Variants in MUC17 observed in about 807,000 individuals in gnomAD.
The protein encoded by MUC17 is mucin-17.
In MUC17, 190 loss-of-function variants were observed where a neutral mutation model predicts 170.3. The ratio of observed to expected loss-of-function variants is 1.12; its 90% CI spans 0.99 to 1.26. The LOEUF is 1.26. Among genes scored for constraint, MUC17 ranks in the 50% most tolerant of loss-of-function variants. The pLI, the probability that MUC17 is intolerant of heterozygous loss-of-function variation, is 0.00. For synonymous variants in MUC17, 2,325 were observed against 2,002.5 expected, an observed-to-expected ratio of 1.16 and a Z score of -4.30; for missense variants, 6,415 against 5,530.0, an observed-to-expected ratio of 1.16 and a Z score of -5.08.
In MUC17 at chr7:101,033,476, G is replaced by A. The variant is rs538801500; in HGVS notation, c.2060G>A (p.Ser687Asn). The change falls in exon 3 of 13, where the codon AGC becomes AAC. Residue 687 changes from serine to asparagine, a missense_variant. Transcript: ENST00000306151. Reference protein sequence around the residue: ...SMPTSTYTEGSTPLTSMPVNT... With the variant: ...SMPTSTYTEGNTPLTSMPVNT... ...CCAACCTCAACTTATACTGAAGGAA[G>A]CACTCCATTAACAAGTATGCCTGTC... 56 of 1,613,676 alleles carry A rather than the reference G, an allele frequency of 3.5e-5. No individual in the cohort carries two copies. In the East Asian group the frequency reaches 1.2e-3, roughly 35 times the overall value.
At position 101,037,813 on chromosome 7, in the gene MUC17, G is replaced by A. The variant is rs529595313; in HGVS notation, c.6397G>A (p.Val2133Met). ...STTPVDSNSP[V>M]ITSTEVSSSP... The stretch of plus-strand genomic sequence containing the variant: ...AACTCCTGTTGACTCCAACAGTCCT[G>A]TGATCACTTCTACTGAAGTCAGTTC... The change falls in exon 3 of 13, where the codon GTG becomes ATG. Residue 2133 changes from valine to methionine, a missense_variant. By Grantham distance (21) the Val-to-Met change is conservative. Coordinates refer to ENST00000306151, the MANE Select transcript of MUC17 (RefSeq NM_001040105.2). 2.5e-6 allele frequency: 4 copies of A among 1,613,240 alleles called. No homozygotes were observed. Among genetic ancestry groups the A allele is most frequent in the African/African-American group, 2.7e-5 (2 of 74,928 alleles).
In MUC17 at chr7:101,043,053, C is replaced by A; in HGVS notation, c.11637C>A (p.Leu3879=). Residue 3879 remains leucine, a synonymous_variant, in exon 3 of 13, where the codon CTC becomes CTA. Transcript: ENST00000306151. ...AAAGAAGCACTCCATTAACAACTCT[C>A]CTTGTCAGCACCACACTTCCAACTA... is the stretch of plus-strand genomic sequence containing the variant. ...TSERSTPLTT[L]LVSTTLPTSF... 6.2e-7 allele frequency: 1 copy of A among 1,614,118 alleles called. No individual in the cohort carries two copies. The highest frequency in any genetic ancestry group is 8.5e-7 in the Non-Finnish European group (1 of 1,180,022).
intron 1 of MUC17, among the ~76,000 whole-genome samples, chr7:101,020,573 T>C (rs6961122): frequency 0.93 from 141,848 of 152,014 alleles, 66,357 homozygotes; most frequent in East Asian, 1. Flanking sequence ...AAGACTGGTG[T>C]TCAACCCATA....
In MUC17 at chr7:101,043,234, T is replaced by C. The variant is rs1584872589; in HGVS notation, c.11818T>C (p.Phe3940Leu). 1 of 1,614,186 alleles carries C rather than the reference T, an allele frequency of 6.2e-7. No individual in the cohort carries two copies. Among genetic ancestry groups the C allele is most frequent in the South Asian group, 1.1e-5 (1 of 91,086 alleles). Residue 3940 changes from phenylalanine to leucine, a missense_variant, in exon 3 of 13, where the codon TTT becomes CTT. Coordinates refer to ENST00000306151, the MANE Select transcript of MUC17 (RefSeq NM_001040105.2). ...AGGAAGCACACCTGGGACAACCATT[T>C]TTATTCCCAGCACTCCTGTCACCAG... ...TEGSTPGTTI[F>L]IPSTPVTSST...
At position 101,043,553 on chromosome 7, in the gene MUC17, C is replaced by T. The variant is rs757717761; in HGVS notation, c.12137C>T (p.Thr4046Ile). 6.2e-7 allele frequency: 1 copy of T among 1,614,218 alleles called. No homozygotes were observed. Among genetic ancestry groups the T allele is most frequent in the South Asian group, 1.1e-5 (1 of 91,086 alleles). ...ACTTCTGTCACCACCCGTCCTGTGA[C>T]CCCTTCATCAGAATCCAGCAGGCCG... ...TSTSVTTRPVTPSSESSRPST... is the reference protein window; with the variant it reads ...TSTSVTTRPVIPSSESSRPST... Residue 4046 changes from threonine to isoleucine, a missense_variant, in exon 3 of 13, where the codon ACC (threonine) becomes ATC (isoleucine). Physicochemically the swap from Thr to Ile is moderately conservative, Grantham distance 89 (BLOSUM62 -1). Transcript: ENST00000306151.
chr7:101,037,730 C>T lies in MUC17; in HGVS notation c.6314C>T (p.Thr2105Ile). Residue 2105 changes from threonine to isoleucine, a missense_variant, in exon 3 of 13, where the codon ACA (threonine) becomes ATA (isoleucine). Physicochemically the swap from Thr to Ile is moderately conservative, Grantham distance 89 (BLOSUM62 -1). Transcript: ENST00000306151. ...CCTAGTGAAGGAAGTCCTCTACTAACAAGTATACCTCTCAGCACCACGCCG... is the reference window on the plus strand; with the variant it reads ...CCTAGTGAAGGAAGTCCTCTACTAATAAGTATACCTCTCAGCACCACGCCG... Reference protein sequence around the residue: ...SAPSEGSPLLTSIPLSTTPVA... With the variant: ...SAPSEGSPLLISIPLSTTPVA... 1.9e-6 allele frequency: 3 copies of T among 1,613,558 alleles called. No individual in the cohort carries two copies. The highest frequency in any genetic ancestry group is 2.5e-6 in the Non-Finnish European group (3 of 1,179,854).
rs1794887223 is a variant in MUC17 at position 101,048,891 on chromosome 7, G to A, written c.12582G>A (p.Val4194=). 1.9e-6 allele frequency: 3 copies of A among 1,614,080 alleles called. No individual in the cohort carries two copies. Among genetic ancestry groups the A allele is most frequent in the Non-Finnish European group, 2.5e-6 (3 of 1,180,004 alleles). Residue 4194 remains valine, a synonymous_variant, in exon 5 of 13, where the codon GTG becomes GTA. Coordinates refer to ENST00000306151, the MANE Select transcript of MUC17 (RefSeq NM_001040105.2). ...CCCAAATGGAACTGACTGTGACAGTGACCAGTGTGAAGTTCACCGAAGAGC... is the reference window on the plus strand; with the variant it reads ...CCCAAATGGAACTGACTGTGACAGTAACCAGTGTGAAGTTCACCGAAGAGC... The part of the protein sequence containing the change: ...ISAQMELTVT[V]TSVKFTEELK...
Position 101,042,565 on chromosome 7 carries a change from C to A in MUC17, c.11149C>A (p.Pro3717Thr). The change falls in exon 3 of 13, where the codon CCT (proline) becomes ACT (threonine). Residue 3717 changes from proline to threonine, a missense_variant. Transcript: ENST00000306151. ...CTCTGAGGGTAGCACCCTTTCAACACCTTCTGTTGTCACCAGCACACCTGT... is the reference window on the plus strand; with the variant it reads ...CTCTGAGGGTAGCACCCTTTCAACAACTTCTGTTGTCACCAGCACACCTGT... ...TSSEGSTLST[P>T]SVVTSTPVTT... is the part of the protein sequence containing the mutation. 1.9e-6 allele frequency: 3 copies of A among 1,614,088 alleles called. No homozygotes were observed. Among genetic ancestry groups the A allele is most frequent in the South Asian group, 1.1e-5 (1 of 91,082 alleles).
Position 101,033,950 on chromosome 7 carries a change from C to G in MUC17, c.2534C>G (p.Ser845Ter), listed in dbSNP as rs779032662. The change falls in exon 3 of 13, where the codon TCA becomes TGA. Residue 845 changes from serine (S) to a stop codon, truncating the protein, a stop_gained. Transcript: ENST00000306151. LOFTEE classifies it high-confidence loss of function. ...GTGACCACTTCTACTGAAGTCAGTT[C>G]ATCTCCTACACCTGCTGAAGGTACC... ...SPVTTSTEVS[S>*]SPTPAEGTSM... 7 of 1,613,342 alleles carry G rather than the reference C, an allele frequency of 4.3e-6. No homozygotes were observed. Among genetic ancestry groups the G allele is most frequent in the Middle Eastern group, 1.7e-4 (1 of 6,056 alleles).
chr7:101,025,197 C>T (rs1001810163), intron 1 of MUC17, among the ~76,000 whole-genome samples: 4 of 149,328 alleles, frequency 2.7e-5, no homozygotes, highest in East Asian at 2.0e-4. Context: ...AGACTTTCAT[C>T]TCTACAAAAA....
In MUC17 at chr7:101,033,352, G is replaced by T. The variant is rs375959111; in HGVS notation, c.1936G>T (p.Ala646Ser). The change falls in exon 3 of 13, where the codon GCT becomes TCT. Residue 646 changes from alanine to serine, a missense_variant. Transcript: ENST00000306151. ...CACCACACTGGTGGCCAGTTCTGAG[G>T]CTAGCACCCTTTCAACAACTCCTGT... is the stretch of plus-strand genomic sequence containing the variant. ...VSTTLVASSE[A>S]STLSTTPVDS... 3.7e-6 allele frequency: 6 copies of T among 1,613,706 alleles called. No individual in the cohort carries two copies. The African/African-American group carries it at 8.0e-5, about 22-fold the overall frequency.
In MUC17 at chr7:101,042,940, A is replaced by G. The variant is rs758273837; in HGVS notation, c.11524A>G (p.Thr3842Ala). 1.2e-6 allele frequency: 2 copies of G among 1,614,192 alleles called. No individual in the cohort carries two copies. Among genetic ancestry groups the G allele is most frequent in the South Asian group, 2.2e-5 (2 of 91,082 alleles). Reference protein sequence around the residue: ...ASTLSTPPGDTSTPLLTSTKA... With the variant: ...ASTLSTPPGDASTPLLTSTKA... ...CACACTTTCAACACCTCCTGGTGATACCAGCACACCTTTGCTCACCTCTAC... is the reference window on the plus strand; with the variant it reads ...CACACTTTCAACACCTCCTGGTGATGCCAGCACACCTTTGCTCACCTCTAC... Residue 3842 changes from threonine to alanine, a missense_variant, in exon 3 of 13, where the codon ACC becomes GCC. Physicochemically the swap from Thr to Ala is moderately conservative, Grantham distance 58 (BLOSUM62 0). Transcript: ENST00000306151.
At position 101,037,753 on chromosome 7, in the gene MUC17, C is replaced by G; in HGVS notation, c.6337C>G (p.Pro2113Ala). 1 of 1,613,752 alleles carries G rather than the reference C, an allele frequency of 6.2e-7. No individual in the cohort carries two copies. Among genetic ancestry groups the G allele is most frequent in the Non-Finnish European group, 8.5e-7 (1 of 1,179,798 alleles). ...AACAAGTATACCTCTCAGCACCACGCCGGTGGCCAGTCCTGAGGCTAGCAC... is the reference window on the plus strand; with the variant it reads ...AACAAGTATACCTCTCAGCACCACGGCGGTGGCCAGTCCTGAGGCTAGCAC... ...LLTSIPLSTT[P>A]VASPEASTLS... Residue 2113 changes from proline (P) to alanine (A), a missense_variant, in exon 3 of 13, where the codon CCG becomes GCG. Coordinates refer to ENST00000306151, the MANE Select transcript of MUC17 (RefSeq NM_001040105.2).
At position 101,038,804 on chromosome 7, in the gene MUC17, T is replaced by C. The variant is rs758954163; in HGVS notation, c.7388T>C (p.Val2463Ala). The C allele has an allele frequency of 3.1e-6, 5 of 1,612,584 alleles. No individual in the cohort carries two copies. In the Admixed American group the frequency reaches 8.4e-5, roughly 27 times the overall value. The change falls in exon 3 of 13, where the codon GTC becomes GCC. Residue 2463 changes from valine to alanine, a missense_variant. Transcript: ENST00000306151. ...EGTTPLASMP[V>A]STTPVVSSEA... ...ACCACTCCGTTAGCAAGTATGCCTG[T>C]CAGCACCACGCCGGTGGTCAGTTCT...
chr7:101,049,231 A>T (rs1474647535), intron 5 of MUC17, 93 bp from the exon 6 acceptor site: 14 of 1,558,524 alleles, frequency 9.0e-6, no homozygotes, highest in Non-Finnish European at 1.2e-5. Flanking sequence ...ATGCTGCGGG[A>T]CAGGATCATC....
In MUC17 at chr7:101,034,773, C is replaced by A; in HGVS notation, c.3357C>A (p.Ser1119Arg). Residue 1119 changes from serine to arginine, a missense_variant, in exon 3 of 13, where the codon AGC becomes AGA. Physicochemically the swap from Ser to Arg is moderately radical, Grantham distance 110. Transcript: ENST00000306151. Reference sequence around the variant, plus strand: ...GGCTGGTGGTCAGTTCTGAGGCTAGCACCCTTTCCACAACTCCTGTCGACA... The same window carrying A: ...GGCTGGTGGTCAGTTCTGAGGCTAGAACCCTTTCCACAACTCCTGTCGACA... ...STRLVVSSEA[S>R]TLSTTPVDTS... 6.2e-7 allele frequency: 1 copy of A among 1,603,994 alleles called. No individual in the cohort carries two copies. The highest frequency in any genetic ancestry group is 8.5e-7 in the Non-Finnish European group (1 of 1,174,248).
At position 101,043,795 on chromosome 7, in the gene MUC17, C is replaced by A. The variant is rs774857185; in HGVS notation, c.12379C>A (p.Pro4127Thr). The A allele has an allele frequency of 3.1e-6, 5 of 1,605,948 alleles. No individual in the cohort carries two copies. Among genetic ancestry groups the A allele is most frequent in the East Asian group, 4.5e-5 (2 of 44,714 alleles). ...TTIKSNPTST[P>T]TVPRTTTCFG... ...AATTAAGAGCAACCCCACCTCAACTCCTACTGTGCCAAGAACCACAACATG... is the reference window on the plus strand; with the variant it reads ...AATTAAGAGCAACCCCACCTCAACTACTACTGTGCCAAGAACCACAACATG... Residue 4127 changes from proline (P) to threonine (T), a missense_variant, in exon 3 of 13, where the codon CCT (proline) becomes ACT (threonine). Pro to Thr is a conservative substitution (Grantham distance 38). Coordinates refer to ENST00000306151, the MANE Select transcript of MUC17 (RefSeq NM_001040105.2).
rs186034438 is a variant in MUC17, at chr7:101,036,773, C to G, written c.5357C>G (p.Ala1786Gly). The G allele has an allele frequency of 3.6e-4, 588 of 1,612,168 alleles. 9 individuals are homozygous for G. The East Asian group carries it at 0.013, about 35-fold the overall frequency. The change falls in exon 3 of 13, where the codon GCC becomes GGC. Residue 1786 changes from alanine to glycine, a missense_variant. Coordinates refer to ENST00000306151, the MANE Select transcript of MUC17 (RefSeq NM_001040105.2). ...ACCCCTGTGACCACTTCTACTGAAGCCACTTCGTCTCCTACAACTGCTGAA... is the reference window on the plus strand; with the variant it reads ...ACCCCTGTGACCACTTCTACTGAAGGCACTTCGTCTCCTACAACTGCTGAA... Reference protein sequence around the residue: ...TSTPVTTSTEATSSPTTAEGT... With the variant: ...TSTPVTTSTEGTSSPTTAEGT...
Position 101,039,072 on chromosome 7 carries a change from C to G in MUC17, c.7656C>G (p.Ile2552Met). The change falls in exon 3 of 13, where the codon ATC becomes ATG. Residue 2552 changes from isoleucine to methionine, a missense_variant. Physicochemically the swap from Ile to Met is conservative, Grantham distance 10. Transcript: ENST00000306151. ...SNSPVVTSTE[I>M]SSSATSAEGT... ...GTCCTGTGGTCACTTCTACTGAAAT[C>G]AGTTCATCTGCTACATCCGCTGAAG... 1 of 1,613,438 alleles carries G rather than the reference C, an allele frequency of 6.2e-7. No homozygotes were observed. Among genetic ancestry groups the G allele is most frequent in the Non-Finnish European group, 8.5e-7 (1 of 1,179,878 alleles).
Sources: allele counts gnomAD v4.1 joint callset (sites outside exome capture counted in the v4.1 genomes callset), GRCh38; gene constraint gnomAD v4.1.1; transcripts MANE v1.5; gene names NCBI Gene and HGNC (gene_info 2026-07-23, HGNC 2026-07-21).